Variants in ZNF174 observed in about 807,000 individuals in gnomAD.
The protein encoded by ZNF174 is zinc finger protein 174.
In ZNF174, 30 loss-of-function variants were observed where a neutral mutation model predicts 38.7. That is an observed-to-expected ratio of 0.78 (90% confidence interval 0.58 to 1.05). ZNF174 has a LOEUF of 1.05. ZNF174 is among the 50% of genes least tolerant of loss of function. ZNF174 has a pLI of 0.00. For synonymous variants in ZNF174, 201 were observed against 181.7 expected, an observed-to-expected ratio of 1.11 and a Z score of -0.86; for missense variants, 499 against 495.6, an observed-to-expected ratio of 1.01 and a Z score of -0.06.
intron 2 of ZNF174, 144 bp downstream of exon 2, chr16:3,404,792 T>C: frequency 6.5e-7 from 1 of 1,529,308 alleles, no homozygotes; most frequent in Non-Finnish European, 8.9e-7. Flanking sequence ...TAAACAAATT[T>C]CACTAATTAG....
rs2034019806 is a variant in ZNF174 at position 3,404,423 on chromosome 16, T to C, written c.403-3T>C. The stretch of plus-strand genomic sequence containing the variant: ...GGAATTAATGGATGGGGCTTGTTCC[T>C]AGGTGGCCGTTTGTATGCAGGGGCA... On this transcript the variant is annotated splice_polypyrimidine_tract_variant and splice_region_variant and intron_variant, in intron 1 of 2. Transcript: ENST00000268655. 6.3e-7 allele frequency: 1 copy of C among 1,598,934 alleles called. No homozygotes were observed. The highest frequency in any genetic ancestry group is 8.5e-7 in the Non-Finnish European group (1 of 1,169,924).
At chr16:3,404,729 C>A (rs749188281) in intron 2 of ZNF174, 81 bp downstream of exon 2, 9 of 1,570,054 alleles carry the variant, frequency 5.7e-6, no homozygotes, top group Middle Eastern at 1.7e-4. Flanking sequence ...AAGGCATAGA[C>A]CACATGTGTG....
rs1188470529 is a variant in ZNF174 at position 3,402,174 on chromosome 16, T to A, written c.170T>A (p.Val57Glu). 2 of 1,612,746 alleles carry A rather than the reference T, an allele frequency of 1.2e-6. No homozygotes were observed. Among genetic ancestry groups the A allele is most frequent in the African/African-American group, 2.7e-5 (2 of 74,860 alleles). Reference protein sequence around the residue: ...QSFRRFCYQEVSGPQEALSQL... With the variant: ...QSFRRFCYQEESGPQEALSQL... ...TTCAGACGCTTTTGTTATCAAGAGG[T>A]GTCTGGACCCCAAGAGGCTCTCTCC... Residue 57 changes from valine to glutamate, a missense_variant, in exon 1 of 3, where the codon GTG becomes GAG. Coordinates refer to ENST00000268655, the MANE Select transcript of ZNF174 (RefSeq NM_003450.3).
chr16:3,406,845 A>T (rs771919482), intron 2 of ZNF174, among the ~76,000 whole-genome samples: 1 of 152,154 alleles, frequency 6.6e-6, no homozygotes, highest in East Asian at 1.9e-4. Flanking sequence ...GCCTAATCCA[A>T]GGGCACAAAT....
At chr16:3,408,044 G>A (rs1336332234) in intron 2 of ZNF174, among the ~76,000 whole-genome samples, 6 of 152,138 alleles carry the variant, frequency 3.9e-5, no homozygotes, top group African/African-American at 1.4e-4. Flanking sequence ...GGAAGAAGGA[G>A]GATGGAGAAC....
chr16:3,408,523 C>A lies in ZNF174; in HGVS notation c.828C>A (p.Tyr276Ter). 1.2e-6 allele frequency: 2 copies of A among 1,614,098 alleles called. No homozygotes were observed. The highest frequency in any genetic ancestry group is 1.7e-6 in the Non-Finnish European group (2 of 1,180,036). Residue 276 changes from tyrosine (Y) to a stop codon, truncating the protein, a stop_gained, in exon 3 of 3, where the codon TAC becomes TAA. Coordinates refer to ENST00000268655, the MANE Select transcript of ZNF174 (RefSeq NM_003450.3). LOFTEE classifies it high-confidence loss of function. ...SPNAQKPFAHYQRHCRVEYIS... is the reference protein window; with the variant it reads ...SPNAQKPFAH ...ATGCTCAAAAGCCATTTGCTCACTA[C>A]CAGAGACATTGCAGGGTGGAATACA...
intron 2 of ZNF174, chr16:3,405,040 CTT>C (rs746237149): frequency 4.4e-6 from 7 of 1,592,854 alleles, no homozygotes; most frequent in Non-Finnish European, 6.0e-6. Flanking sequence ...CACCCTATAT[CTT>C]ATATCTTTGT....
chr16:3,404,685 C>G (rs2034027093), intron 2 of ZNF174, 37 bp downstream of exon 2: 1 of 1,610,794 alleles, frequency 6.2e-7, no homozygotes, highest in Non-Finnish European at 8.5e-7. Context: ...CTCATCAGCC[C>G]TTTATCTCCA....
At position 3,402,261 on chromosome 16, in the gene ZNF174, T is replaced by C. The variant is rs747585139; in HGVS notation, c.257T>C (p.Leu86Ser). The C allele has an allele frequency of 6.2e-7, 1 of 1,614,098 alleles. No individual in the cohort carries two copies. Residue 86 changes from leucine (L) to serine (S), a missense_variant, in exon 1 of 3, where the codon TTG becomes TCG. Coordinates refer to ENST00000268655, the MANE Select transcript of ZNF174 (RefSeq NM_003450.3). Reference protein sequence around the residue: ...QPELHTKEQILELLVMEQFLT... With the variant: ...QPELHTKEQISELLVMEQFLT... ...GAGCTGCACACCAAGGAGCAGATTTTGGAGCTTCTGGTGATGGAGCAGTTC... is the reference window on the plus strand; with the variant it reads ...GAGCTGCACACCAAGGAGCAGATTTCGGAGCTTCTGGTGATGGAGCAGTTC...
intron 2 of ZNF174, chr16:3,404,849 A>C: frequency 1.9e-6 from 3 of 1,593,406 alleles, no homozygotes; most frequent in South Asian, 2.3e-5. Context: ...GTTTTCTGTT[A>C]ATGAAAATTT....
rs765768587 is a variant in ZNF174, at chr16:3,401,885, C to T, written c.-120C>T. ...GCTTTGTCTCTGCATCCCGTTCCCC[C>T]TAACATCCTCAGAGAACCTTCGTTT... On this transcript the variant is annotated 5_prime_UTR_variant, in exon 1 of 3. Coordinates refer to ENST00000268655, the MANE Select transcript of ZNF174 (RefSeq NM_003450.3). 5.6e-5 allele frequency: 73 copies of T among 1,304,926 alleles called. No homozygotes were observed. The highest frequency in any genetic ancestry group is 1.5e-5 in the Non-Finnish European group (14 of 945,694). The allele number at this position is 1,304,926 out of a possible 1,614,324, so 80.8% of individuals were successfully genotyped here. A position where few individuals can be genotyped will look rare whatever the true frequency, so the allele number is the denominator to read the frequency against.
chr16:3,408,914 G>C lies in ZNF174; in HGVS notation c.1219G>C (p.Asp407His), dbSNP rs1363476936. 1.3e-5 allele frequency: 21 copies of C among 1,604,554 alleles called. No individual in the cohort carries two copies. Among genetic ancestry groups the C allele is most frequent in the Non-Finnish European group, 1.6e-5 (19 of 1,174,286 alleles). Residue 407 changes from aspartate (D) to histidine (H), a missense_variant, in exon 3 of 3, where the codon GAC becomes CAC. Transcript: ENST00000268655. ...LHQHHRLHHG[D>H] The stretch of plus-strand genomic sequence containing the variant: ...CCAGCATCACCGACTTCACCATGGG[G>C]ACTAAAAGGAGCACTCCATGCTTTA...
chr16:3,405,255 A>G (rs2034038828), intron 2 of ZNF174, among the ~76,000 whole-genome samples: 1 of 152,202 alleles, frequency 6.6e-6, no homozygotes, highest in Non-Finnish European at 1.5e-5. Context: ...GACGACAAAA[A>G]TCCTCAGTTT....
rs1185661676 is a variant in ZNF174 at position 3,409,045 on chromosome 16, T to C, written c.*126T>C. 9.4e-6 allele frequency: 10 copies of C among 1,068,174 alleles called. No individual in the cohort carries two copies. The highest frequency in any genetic ancestry group is 3.2e-5 in the African/African-American group (2 of 63,308). The allele number at this position is 1,068,174 out of a possible 1,614,324, so 66.2% of individuals were successfully genotyped here. On this transcript the variant is annotated 3_prime_UTR_variant, in exon 3 of 3. Coordinates refer to ENST00000268655, the MANE Select transcript of ZNF174 (RefSeq NM_003450.3). ...GCACGAGGCCCTTGAGGAATGATGA[T>C]GCACATTCTGCTGTGAGGAGGCCCA...
intron 2 of ZNF174, among the ~76,000 whole-genome samples, chr16:3,406,157 G>A (rs993740479): frequency 3.3e-5 from 5 of 152,144 alleles, no homozygotes; most frequent in South Asian, 2.1e-4. Flanking sequence ...GGCATTGTAC[G>A]GATATATTAC....
chr16:3,405,767 GAGGCCAAGGC>G (rs1044236579), intron 2 of ZNF174, among the ~76,000 whole-genome samples: 1 of 152,212 alleles, frequency 6.6e-6, no homozygotes, highest in African/African-American at 2.4e-5. Context: ...AGCACTTTGG[GAGGCCAAGGC>G]AGGCGGATCA....
rs773079415 is a variant in ZNF174, at chr16:3,404,522, A to G, written c.499A>G (p.Arg167Gly). 1.9e-6 allele frequency: 3 copies of G among 1,614,208 alleles called. No individual in the cohort carries two copies. Among genetic ancestry groups the G allele is most frequent in the Non-Finnish European group, 2.5e-6 (3 of 1,180,024 alleles). Residue 167 changes from arginine to glycine, a missense_variant, in exon 2 of 3, where the codon AGG becomes GGG. Transcript: ENST00000268655. Reference protein sequence around the residue: ...ELPDFQPQTPRRDLRESSPAE... With the variant: ...ELPDFQPQTPGRDLRESSPAE... ...GCCAGACTTTCAACCGCAGACTCCT[A>G]GGAGAGATCTCAGGGAGAGCTCTCC...
chr16:3,406,334 T>C (rs1342626013), intron 2 of ZNF174, among the ~76,000 whole-genome samples: 2 of 152,246 alleles, frequency 1.3e-5, no homozygotes, highest in African/African-American at 4.8e-5. Flanking sequence ...TGCTAGGTCA[T>C]GTGGTAATTC....
intron 2 of ZNF174, among the ~76,000 whole-genome samples, chr16:3,405,663 C>T (rs971626364): frequency 3.3e-5 from 5 of 152,216 alleles, no homozygotes; most frequent in Admixed American, 6.5e-5. Context: ...CTGGCAACCA[C>T]AGTCTACTTT....
Sources: gnomAD v4.1 joint callset for allele counts (sites outside exome capture counted in the v4.1 genomes callset) on GRCh38, gnomAD v4.1.1 for gene constraint, MANE v1.5 for transcripts, NCBI Gene and HGNC (gene_info 2026-07-23, HGNC 2026-07-21) for gene names.